Variants in ROCK2 observed in about 807,000 individuals in gnomAD.
The protein encoded by ROCK2 is rho-associated protein kinase 2.
A neutral mutation model predicts 195.1 loss-of-function variants in ROCK2; 61 were observed. That is an observed-to-expected ratio of 0.31 (90% CI 0.25 to 0.39). The LOEUF (loss-of-function observed/expected upper bound fraction) is 0.39. Among genes scored for constraint, ROCK2 ranks in the 10% least tolerant of loss-of-function variants. ROCK2 has a pLI of 1.00. For missense variants in ROCK2, 1,109 were observed against 1,637.4 expected (o/e 0.68, Z 5.57); for synonymous variants, 504 against 545.5 (o/e 0.92, Z 1.06).
chr2:11,308,123 C>A, intron 1 of ROCK2: 1 of 1,611,428 alleles, frequency 6.2e-7, no homozygotes, highest in Admixed American at 1.7e-5. Flanking sequence ...AGGCGATAGA[C>A]AAGTATCAGA....
At chr2:11,254,433 A>G (rs1350227404) in intron 3 of ROCK2, among the ~76,000 whole-genome samples, 1 of 152,180 alleles carries the variant, frequency 6.6e-6, no homozygotes, top group African/African-American at 2.4e-5. Flanking sequence ...CTGGAAAGCA[A>G]GGAGAGGGAG....
At chr2:11,307,996 G>A in intron 1 of ROCK2, 1 of 1,522,846 alleles carries the variant, frequency 6.6e-7, no homozygotes, top group South Asian at 1.3e-5. Context: ...CTGGGGTAGG[G>A]GCAGGAGGGG....
At chr2:11,210,962 G>T (rs541408669) in intron 18 of ROCK2, among the ~76,000 whole-genome samples, 1 of 152,240 alleles carries the variant, frequency 6.6e-6, no homozygotes, top group South Asian at 2.1e-4. Flanking sequence ...CTCATGTAAT[G>T]CTTCAATATG....
At chr2:11,323,423 G>A (rs1668456602) in intron 1 of ROCK2, among the ~76,000 whole-genome samples, 1 of 152,012 alleles carries the variant, frequency 6.6e-6, no homozygotes, top group Non-Finnish European at 1.5e-5. Flanking sequence ...AATCTCTCAG[G>A]TACAGAATGA....
chr2:11,189,007 A>G (rs1392185443), intron 32 of ROCK2, among the ~76,000 whole-genome samples: 3 of 151,822 alleles, frequency 2.0e-5, no homozygotes, highest in Admixed American at 6.6e-5. Context: ...ACTACACTCC[A>G]GCCTGGGTGA....
At chr2:11,295,966 A>AAGAGAGAGAGAG (rs11413362) in intron 1 of ROCK2, among the ~76,000 whole-genome samples, 1,099 of 77,704 alleles carry the variant, frequency 0.014, 44 homozygotes, top group Middle Eastern at 0.02. Context: ...CAAAAAACAA[A>AAGAGAGAGAGAG]AGAGAGAGAG....
intron 1 of ROCK2, among the ~76,000 whole-genome samples, chr2:11,305,590 T>A (rs1355828794): frequency 6.6e-6 from 1 of 152,122 alleles, no homozygotes; most frequent in African/African-American, 2.4e-5. Flanking sequence ...TTTAAAATAC[T>A]ACTCTTCACT....
intron 3 of ROCK2, among the ~76,000 whole-genome samples, chr2:11,270,457 TTTC>T (rs1030354551): frequency 6.6e-6 from 1 of 152,216 alleles, no homozygotes; most frequent in Non-Finnish European, 1.5e-5. Flanking sequence ...CTGTTGTTTT[TTTC>T]TTCTTCTTGT....
intron 3 of ROCK2, among the ~76,000 whole-genome samples, chr2:11,283,531 G>A (rs1315696437): frequency 3.1e-5 from 4 of 131,044 alleles, no homozygotes; most frequent in Admixed American, 8.6e-5. Context: ...ACTGCAGTCC[G>A]CAGTCCGGCC....
chr2:11,337,804 T>C (rs1252660537), intron 1 of ROCK2, among the ~76,000 whole-genome samples: 1 of 151,936 alleles, frequency 6.6e-6, no homozygotes, highest in African/African-American at 2.4e-5. Flanking sequence ...TGGCTAATTT[T>C]TTTTTTCTTT....
chr2:11,315,546 G>A (rs1288005814), intron 1 of ROCK2, among the ~76,000 whole-genome samples: 1 of 151,748 alleles, frequency 6.6e-6, no homozygotes, highest in Non-Finnish European at 1.5e-5. Context: ...CCAGTTTTCT[G>A]TAATACATCT....
At chr2:11,295,186 T>C (rs1207462577) in intron 1 of ROCK2, among the ~76,000 whole-genome samples, 1 of 152,052 alleles carries the variant, frequency 6.6e-6, no homozygotes, top group Non-Finnish European at 1.5e-5. Flanking sequence ...CAATGTTACC[T>C]GAAACTCCCT....
At chr2:11,319,825 A>T (rs1330363179) in intron 1 of ROCK2, among the ~76,000 whole-genome samples, 1 of 152,168 alleles carries the variant, frequency 6.6e-6, no homozygotes, top group Non-Finnish European at 1.5e-5. Flanking sequence ...ATATTAAAGA[A>T]ATAATGGTAA....
intron 1 of ROCK2, among the ~76,000 whole-genome samples, chr2:11,306,804 A>G (rs1667871958): frequency 6.6e-6 from 1 of 152,236 alleles, no homozygotes; most frequent in Non-Finnish European, 1.5e-5. Flanking sequence ...AAGCAAAGCC[A>G]TAATACTGCA....
At chr2:11,204,821 A>G (rs1482266125) in intron 20 of ROCK2, among the ~76,000 whole-genome samples, 1 of 152,152 alleles carries the variant, frequency 6.6e-6, no homozygotes. Context: ...AGCTTTTTAC[A>G]GTGCTTTTGT....
intron 7 of ROCK2, among the ~76,000 whole-genome samples, chr2:11,223,210 T>C (rs1472664970): frequency 6.6e-6 from 1 of 152,188 alleles, no homozygotes. Context: ...TCGTCAACCA[T>C]GTAATTGACA....
chr2:11,267,367 G>A (rs1666454371), intron 3 of ROCK2, among the ~76,000 whole-genome samples: 1 of 152,078 alleles, frequency 6.6e-6, no homozygotes, highest in Admixed American at 6.5e-5. Flanking sequence ...GTTAGAAAAT[G>A]GAAGAGCTAG....
rs763895660 is a variant in ROCK2 at position 11,235,850 on chromosome 2, T to C, written c.575A>G (p.Lys192Arg). Residue 192 changes from lysine (K) to arginine (R), a missense_variant, in exon 5 of 33, where the codon AAA becomes AGA. By Grantham distance (26) the Lys-to-Arg change is conservative. Transcript: ENST00000315872. This position sits in a 1 kb window ranked among gnomAD's most constrained non-coding sequence, Gnocchi z 4.2. ...AAGAACAACTTCAGCAGTGTAAAAT[T>C]TGGCCCATTTTTCAGGCACATCATA... ...SNYDVPEKWA[K>R]FYTAEVVLAL... is the part of the protein sequence containing the mutation. The C allele has an allele frequency of 2.5e-6, 4 of 1,613,862 alleles. No homozygotes were observed. Among genetic ancestry groups the C allele is most frequent in the South Asian group, 2.2e-5 (2 of 91,080 alleles).
At chr2:11,324,920 C>T (rs1210728352) in intron 1 of ROCK2, among the ~76,000 whole-genome samples, 3 of 151,470 alleles carry the variant, frequency 2.0e-5, no homozygotes, top group Non-Finnish European at 4.4e-5. Flanking sequence ...ATTTATATTA[C>T]CATTTTTCCA....
Sources: gnomAD v4.1 joint callset for allele counts (sites outside exome capture counted in the v4.1 genomes callset) on GRCh38, gnomAD v4.1.1 for gene constraint, Gnocchi (gnomAD v3.1) non-coding constraint, MANE v1.5 for transcripts, NCBI Gene and HGNC (gene_info 2026-07-23, HGNC 2026-07-21) for gene names.